The following MTHFD2L variants were observed in gnomAD, a reference collection of about 807,000 sequenced individuals.
MTHFD2L encodes the protein bifunctional methylenetetrahydrofolate dehydrogenase/cyclohydrolase 2, mitochondrial.
Under a neutral mutation model 34.9 loss-of-function variants are expected in MTHFD2L, and 29 were observed. The ratio of observed to expected loss-of-function variants is 0.83; its 90% CI spans 0.62 to 1.13. The LOEUF is 1.13. MTHFD2L is among the 50% of genes most tolerant of loss of function. MTHFD2L has a pLI of 0.00. For missense variants in MTHFD2L, 481 were observed against 446.5 expected, an observed-to-expected ratio of 1.08 and a Z score of -0.70; for synonymous variants, 167 against 155.7, an observed-to-expected ratio of 1.07 and a Z score of -0.54.
chr4:74,201,827 A>G (rs921386258), intron 5 of MTHFD2L, among the ~76,000 whole-genome samples: 1 of 152,206 alleles, frequency 6.6e-6, no homozygotes, highest in Non-Finnish European at 1.5e-5. Flanking sequence ...TCATTGTCCT[A>G]TGAGTAGTAG....
intron 1 of MTHFD2L, among the ~76,000 whole-genome samples, chr4:74,144,793 C>T (rs2109842310): frequency 6.6e-6 from 1 of 152,182 alleles, no homozygotes; most frequent in Admixed American, 6.5e-5. Context: ...TCTACAAGTT[C>T]ATTAATCTTT....
intron 1 of MTHFD2L, among the ~76,000 whole-genome samples, chr4:74,139,160 G>A (rs1723134374): frequency 6.6e-6 from 1 of 152,074 alleles, no homozygotes; most frequent in Non-Finnish European, 1.5e-5. Flanking sequence ...TTTCCACTAG[G>A]TCACTGTCTC....
intron 3 of MTHFD2L, among the ~76,000 whole-genome samples, chr4:74,184,906 T>TG (rs1307723186): frequency 2.6e-5 from 4 of 151,922 alleles, no homozygotes; most frequent in Admixed American, 2.6e-4. Flanking sequence ...TCCCAGAACT[T>TG]TAGGAGGCCA....
At chr4:74,159,942 C>T in intron 1 of MTHFD2L, 1 of 498,582 alleles carries the variant, frequency 2.0e-6, no homozygotes, top group African/African-American at 2.0e-5. Context: ...AATACCATCT[C>T]TGAAGGTGAG....
At chr4:74,119,195 G>A (rs1262875218), upstream of MTHFD2L, among the ~76,000 whole-genome samples, 1 of 152,156 alleles carries the variant, frequency 6.6e-6, no homozygotes, top group Non-Finnish European at 1.5e-5. Context: ...ATAGTGGCAA[G>A]TGAGTTGATG....
intron 5 of MTHFD2L, among the ~76,000 whole-genome samples, chr4:74,208,575 A>C (rs1276772133): frequency 1.3e-5 from 2 of 152,178 alleles, no homozygotes; most frequent in African/African-American, 4.8e-5. Context: ...CAACCAGGAA[A>C]AATTAGGTTT....
intron 3 of MTHFD2L, among the ~76,000 whole-genome samples, chr4:74,176,804 A>T (rs1234152625): frequency 6.6e-6 from 1 of 152,050 alleles, no homozygotes; most frequent in Admixed American, 6.6e-5. Flanking sequence ...TATAGGTTAC[A>T]GTAGCTTTGT....
chr4:74,199,294 A>G (rs1734009666), intron 3 of MTHFD2L, among the ~76,000 whole-genome samples: 1 of 151,886 alleles, frequency 6.6e-6, no homozygotes, highest in Non-Finnish European at 1.5e-5. Context: ...TGTGTGTTTT[A>G]TATTAGATTT....
intron 5 of MTHFD2L, among the ~76,000 whole-genome samples, chr4:74,216,894 C>G (rs1737299857): frequency 6.6e-6 from 1 of 151,802 alleles, no homozygotes. Context: ...CTGCATCCAC[C>G]CTTGTCCCAT....
intron 3 of MTHFD2L, among the ~76,000 whole-genome samples, chr4:74,177,181 G>A (rs955941406): frequency 2.6e-5 from 4 of 151,890 alleles, no homozygotes; most frequent in Admixed American, 6.6e-5. Context: ...AATTCAACAC[G>A]TGCAGCACTC....
intron 3 of MTHFD2L, chr4:74,194,092 G>A (rs1479255677): frequency 2.0e-5 from 3 of 152,132 alleles, no homozygotes; most frequent in Non-Finnish European, 4.4e-5. Context: ...CTCCTCTGGT[G>A]AACCACAGGT....
chr4:74,273,365 G>A (rs980806436), intron 6 of MTHFD2L, among the ~76,000 whole-genome samples: 2 of 152,108 alleles, frequency 1.3e-5, no homozygotes. Flanking sequence ...TAGGATAAAG[G>A]CCATTAAGTT....
chr4:74,125,918 C>T (rs1029735492), intron 1 of MTHFD2L, among the ~76,000 whole-genome samples: 2 of 152,124 alleles, frequency 1.3e-5, no homozygotes, highest in Non-Finnish European at 2.9e-5. Flanking sequence ...TAACAAAACT[C>T]GAAGTGAATA....
rs774406514 is a variant in MTHFD2L at position 74,175,298 on chromosome 4, A to G, written c.346A>G (p.Ile116Val). ...TCTTCTAGGTATTTGTAGTGAGCTCATTCTAAAACCTAAGGATGTTTCTCA... is the reference window on the plus strand; with the variant it reads ...TCTTCTAGGTATTTGTAGTGAGCTCGTTCTAAAACCTAAGGATGTTTCTCA... ...ASAVGICSEL[I>V]LKPKDVSQEE... The change falls in exon 3 of 8, where the codon ATT becomes GTT. Residue 116 changes from isoleucine (I) to valine (V), a missense_variant. Ile to Val is a conservative substitution (Grantham distance 29, BLOSUM62 3). Transcript: ENST00000325278. 3 of 1,612,378 alleles carry G rather than the reference A, an allele frequency of 1.9e-6. No homozygotes were observed. In the East Asian group the frequency reaches 6.7e-5, roughly 36 times the overall value.
At chr4:74,200,029 A>G in intron 4 of MTHFD2L, 83 bp downstream of exon 4, 1 of 1,197,412 alleles carries the variant, frequency 8.4e-7, no homozygotes, top group Admixed American at 2.2e-5. Context: ...GGACTACCTC[A>G]GTCCTATAGA....
At chr4:74,281,962 G>A (rs1298737210) in intron 7 of MTHFD2L, among the ~76,000 whole-genome samples, 1 of 152,000 alleles carries the variant, frequency 6.6e-6, no homozygotes, top group African/African-American at 2.4e-5. Context: ...GGCACCTTAG[G>A]GTGTGTCTGC....
chr4:74,159,048 A>C (rs1724832051), intron 1 of MTHFD2L, among the ~76,000 whole-genome samples: 2 of 152,232 alleles, frequency 1.3e-5, no homozygotes, highest in Admixed American at 1.3e-4. Context: ...TTTTACGTCC[A>C]AAATTGTGTC....
chr4:74,246,299 TC>T lies in MTHFD2L; in HGVS notation c.805+20907del, dbSNP rs1328958572. On this transcript the variant is annotated intron_variant, in intron 6 of 7. Transcript: ENST00000325278. ...TTCTTTTGAGAAGTGTCTGTTCATGTCCTTTGCCCACTTTTTGATGGGGTTG... is the reference window on the plus strand; with the variant it reads ...TTCTTTTGAGAAGTGTCTGTTCATGTCTTTGCCCACTTTTTGATGGGGTTG... Among the ~76,000 whole-genome samples, 3 of 152,128 alleles carry T rather than the reference TC, an allele frequency of 2.0e-5. No individual in the cohort carries two copies. In the East Asian group the frequency reaches 5.8e-4, roughly 29 times the overall value.
chr4:74,201,285 TGTG>T lies in MTHFD2L; in HGVS notation c.630_632del (p.Val212del). ...AAGGAATTCAAACATTTGGAAAAAA[TGTG>T]GTTGTGGCTGGAAGATCCAAGAACG... is the stretch of plus-strand genomic sequence containing the variant. On this transcript the variant is annotated inframe_deletion, in exon 5 of 8. Coordinates refer to ENST00000325278, the MANE Select transcript of MTHFD2L (RefSeq NM_001144978.3). The T allele has an allele frequency of 6.2e-7, 1 of 1,613,528 alleles. No homozygotes were observed. The highest frequency in any genetic ancestry group is 8.5e-7 in the Non-Finnish European group (1 of 1,179,686).
Sources: allele counts gnomAD v4.1 joint callset (sites outside exome capture counted in the v4.1 genomes callset), GRCh38; gene constraint gnomAD v4.1.1; transcripts MANE v1.5; gene names NCBI Gene and HGNC (gene_info 2026-07-23, HGNC 2026-07-21).